Variants in SHC3 observed in about 807,000 individuals in gnomAD.
SHC3 encodes SHC adaptor protein 3, also known as SHC-transforming protein 3.
SHC3 carries 15 observed loss-of-function variants against 60.4 expected under a neutral mutation model. The observed-to-expected ratio is 0.25, with a 90% CI of 0.17 to 0.38. The LOEUF is 0.38. SHC3 is among the 10% of genes least tolerant of loss of function. The pLI is 1.00. For synonymous variants in SHC3, 294 were observed against 325.9 expected, an observed-to-expected ratio of 0.90 and a Z score of 1.05; for missense variants, 677 against 786.1, an observed-to-expected ratio of 0.86 and a Z score of 1.66.
chr9:89,050,977 C>A (rs1824852682), intron 7 of SHC3, among the ~76,000 whole-genome samples: 1 of 151,318 alleles, frequency 6.6e-6, no homozygotes, highest in African/African-American at 2.4e-5. Flanking sequence ...AGTGAAGTTT[C>A]TAGCAATGTG....
rs537868116 is a variant in SHC3 at position 89,076,219 on chromosome 9, T to G, written c.610-991A>C. On this transcript the variant is annotated intron_variant, in intron 3 of 11. Transcript: ENST00000375835. The stretch of plus-strand genomic sequence containing the variant: ...CCGTCCTAGTTCCTATAGTGGAGAC[T>G]CTGGAGCCTTACTTGGTTCCCCATG... Among the ~76,000 whole-genome samples, 16 of 152,220 alleles carry G rather than the reference T, an allele frequency of 1.1e-4. No individual in the cohort carries two copies. In the South Asian group the frequency reaches 3.3e-3, roughly 32 times the overall value.
Position 89,178,040 on chromosome 9 carries a change from C to A in SHC3, c.421G>T (p.Ala141Ser), listed in dbSNP as rs749276024. The A allele has an allele frequency of 1.1e-4, 130 of 1,229,462 alleles. No homozygotes were observed. The African/African-American group carries it at 1.6e-3, about 15-fold the overall frequency. 76.2% of individuals were successfully genotyped at this position (1,229,462 alleles called of 1,614,324 possible). ...AGCACCTGGTCGCTGGCGTGCGGCG[C>A]CCCCCGAGGGGGCCTGGGCAGCGGC... is the stretch of plus-strand genomic sequence containing the variant. ...DEPLPRPPRG[A>S]PHASDQVLGP... The change falls in exon 1 of 12, where the codon GCG becomes TCG. Residue 141 changes from alanine to serine, a missense_variant. By Grantham distance (99) the Ala-to-Ser change is moderately conservative. Transcript: ENST00000375835. This position sits in a 1 kb window ranked among gnomAD's most constrained non-coding sequence, Gnocchi z 6.9.
intron 1 of SHC3, among the ~76,000 whole-genome samples, chr9:89,122,980 C>T (rs375281908): frequency 8.5e-5 from 13 of 152,294 alleles, no homozygotes; most frequent in Admixed American, 6.5e-5. Flanking sequence ...AATCTGACTC[C>T]GCATATTGGG....
At chr9:89,057,577 C>T (rs894092511) in intron 6 of SHC3, among the ~76,000 whole-genome samples, 1 of 151,970 alleles carries the variant, frequency 6.6e-6, no homozygotes, top group Non-Finnish European at 1.5e-5. Context: ...ATGTCCAAAA[C>T]AGTGATTTGG....
intron 7 of SHC3, among the ~76,000 whole-genome samples, chr9:89,050,016 C>G (rs1824837058): frequency 6.6e-6 from 1 of 152,200 alleles, no homozygotes; most frequent in Non-Finnish European, 1.5e-5. Context: ...TTTCTTTTAT[C>G]AATTACATGC....
rs76154751 is a variant in SHC3, at chr9:89,112,761, C to G, written c.475-135G>C. The G allele has an allele frequency of 4.4e-4, 301 of 681,552 alleles. 1 individual carries two copies. In the East Asian group the frequency reaches 0.01, roughly 23 times the overall value. 42.2% of individuals were successfully genotyped at this position (681,552 alleles called of 1,614,324 possible). ...TTTAACTTTAAATTCTAGGGTGAGGCTTTGTTTTGTTTCTATAAAAGCAAT... is the reference window on the plus strand; with the variant it reads ...TTTAACTTTAAATTCTAGGGTGAGGGTTTGTTTTGTTTCTATAAAAGCAAT... On this transcript the variant is annotated intron_variant, in intron 1 of 11. Coordinates refer to ENST00000375835, the MANE Select transcript of SHC3 (RefSeq NM_016848.6).
intron 2 of SHC3, among the ~76,000 whole-genome samples, chr9:89,107,003 G>T (rs898965533): frequency 2.0e-5 from 3 of 152,124 alleles, no homozygotes; most frequent in African/African-American, 7.2e-5. Context: ...AGCCTAATGG[G>T]TTCAGACTGT....
intron 2 of SHC3, among the ~76,000 whole-genome samples, chr9:89,086,394 C>G (rs1220469327): frequency 6.6e-6 from 1 of 152,184 alleles, no homozygotes. Flanking sequence ...TCACAGAACT[C>G]AGGGAAACAC....
At chr9:89,042,231 T>C in intron 9 of SHC3, 47 bp from the exon 10 acceptor site, 1 of 1,478,350 alleles carries the variant, frequency 6.8e-7, no homozygotes, top group Non-Finnish European at 8.9e-7. Context: ...GGTGACACTA[T>C]TCAAGCCACC....
intron 2 of SHC3, among the ~76,000 whole-genome samples, chr9:89,112,143 A>T (rs1825956553): frequency 6.6e-6 from 1 of 152,156 alleles, no homozygotes; most frequent in South Asian, 2.1e-4. Flanking sequence ...TCTGCTTCCA[A>T]TTCTATGCAT....
intron 11 of SHC3, among the ~76,000 whole-genome samples, chr9:89,030,694 C>A (rs2118666544): frequency 6.6e-6 from 1 of 152,262 alleles, no homozygotes; most frequent in East Asian, 1.9e-4. Context: ...CTTTTTATTA[C>A]CTGTTTGTTG....
intron 1 of SHC3, among the ~76,000 whole-genome samples, chr9:89,165,260 TTGTGTGTGTG>T (rs10626309): frequency 1.3e-5 from 2 of 148,546 alleles, no homozygotes; most frequent in Non-Finnish European, 3.0e-5. Context: ...AAAGACGTGT[TTGTGTGTGTG>T]TGTGTGTGTG....
intron 6 of SHC3, among the ~76,000 whole-genome samples, chr9:89,058,140 A>T (rs982215337): frequency 1.3e-5 from 2 of 152,116 alleles, no homozygotes; most frequent in African/African-American, 4.8e-5. Flanking sequence ...AGTTTGTGAC[A>T]TTTTATTATA....
intron 11 of SHC3, among the ~76,000 whole-genome samples, chr9:89,023,467 C>G (rs1444685390): frequency 6.6e-6 from 1 of 152,150 alleles, no homozygotes; most frequent in African/African-American, 2.4e-5. Context: ...AAATATGCAG[C>G]ATATTCTGAT....
rs573296956 is a variant in SHC3, at chr9:89,088,208, C to G, written c.546-10305G>C. ...AACCCCTTATCTTAACCCCGACACT[C>G]CTTTCATTTGATTCCAGGTCTTTAG... is the stretch of plus-strand genomic sequence containing the variant. On this transcript the variant is annotated intron_variant, in intron 2 of 11. Transcript: ENST00000375835. Among the ~76,000 whole-genome samples, 22 of 152,318 alleles carry G rather than the reference C, an allele frequency of 1.4e-4. 1 individual carries two copies. In the South Asian group the frequency reaches 4.6e-3, roughly 32 times the overall value.
Position 89,013,369 on chromosome 9 carries a change from A to T in SHC3, c.*78T>A. ...GCTCTGAGCCACAGGCAGCTGTCCC[A>T]GTTCCAGCAGCCCCGATTCTAGTCC... On this transcript the variant is annotated 3_prime_UTR_variant, in exon 12 of 12. Transcript: ENST00000375835. The T allele has an allele frequency of 7.2e-7, 1 of 1,389,824 alleles. No individual in the cohort carries two copies. The highest frequency in any genetic ancestry group is 9.4e-7 in the Non-Finnish European group (1 of 1,061,516). 86.1% of individuals were successfully genotyped at this position (1,389,824 alleles called of 1,614,324 possible).
chr9:89,106,894 G>A (rs1825867716), intron 2 of SHC3, among the ~76,000 whole-genome samples: 1 of 152,096 alleles, frequency 6.6e-6, no homozygotes, highest in Non-Finnish European at 1.5e-5. Flanking sequence ...TATGGTTGAG[G>A]GACTGAACAC....
intron 2 of SHC3, among the ~76,000 whole-genome samples, chr9:89,100,879 T>C (rs1825773347): frequency 6.6e-6 from 1 of 152,250 alleles, no homozygotes; most frequent in Non-Finnish European, 1.5e-5. Flanking sequence ...CTGTGAATTC[T>C]CTTTGAACTG....
intron 4 of SHC3, 49 bp from the exon 5 acceptor site, chr9:89,071,301 A>G (rs753510030): frequency 6.3e-7 from 1 of 1,599,320 alleles, no homozygotes; most frequent in South Asian, 1.1e-5. Flanking sequence ...CGCCCTTTCC[A>G]CATTTTGGAA....
Sources: allele counts gnomAD v4.1 joint callset (sites outside exome capture counted in the v4.1 genomes callset), GRCh38; gene constraint gnomAD v4.1.1; non-coding constraint Gnocchi (gnomAD v3.1); transcripts MANE v1.5; gene names NCBI Gene and HGNC (gene_info 2026-07-23, HGNC 2026-07-21).